The following COL6A3 variants were observed in gnomAD, a reference collection of about 807,000 sequenced individuals.
The protein encoded by COL6A3 is collagen type VI alpha 3 chain, also known as collagen alpha-3(VI) chain.
COL6A3 carries 137 observed loss-of-function variants against 274.1 expected under a neutral mutation model. The ratio of observed to expected loss-of-function variants is 0.50; its 90% confidence interval spans 0.44 to 0.58. The LOEUF (loss-of-function observed/expected upper bound fraction) is 0.58, where lower values mean the gene tolerates loss of function less well. Ranked by LOEUF, COL6A3 falls within the 20% of genes least tolerant of loss-of-function variation. COL6A3 has a pLI of 0.00. For missense variants in COL6A3, 3,950 were observed against 4,124.9 expected, an observed-to-expected ratio of 0.96 and a Z score of 1.16; for synonymous variants, 1,650 against 1,650.6, an observed-to-expected ratio of 1.00 and a Z score of 0.01.
chr2:237,355,749 T>C (rs1169329024), intron 23 of COL6A3: 1 of 152,224 alleles, frequency 6.6e-6, no homozygotes, highest in African/African-American at 2.4e-5. Context: ...AGCCCAGTGA[T>C]CTGCGGTGAC....
At position 237,368,974 on chromosome 2, in the gene COL6A3, C is replaced by G; in HGVS notation, c.4489G>C (p.Ala1497Pro). 6.2e-7 allele frequency: 1 copy of G among 1,614,198 alleles called. No individual in the cohort carries two copies. Among genetic ancestry groups the G allele is most frequent in the South Asian group, 1.1e-5 (1 of 91,074 alleles). The part of the protein sequence containing the change: ...EFYLKTYRSQ[A>P]PVLDAIRRLR... The stretch of plus-strand genomic sequence containing the variant: ...CGCCGTATGGCGTCCAGCACCGGGG[C>G]CTGGGATCTGTAGGTTTTCAGATAG... Residue 1497 changes from alanine to proline, a missense_variant, in exon 10 of 44, where the codon GCC becomes CCC. This residue lies in a region of COL6A3 where 1,934 missense variants were observed against 1,984.3 expected (regional missense o/e 0.97). Coordinates refer to ENST00000295550, the MANE Select transcript of COL6A3 (RefSeq NM_004369.4). The surrounding 1 kb of genome is among the most constrained non-coding windows in gnomAD (Gnocchi z 4.4).
chr2:237,363,282 C>T lies in COL6A3; in HGVS notation c.6034G>A (p.Asp2012Asn). ...YDRPLRLNLLDLDYELAEQLD... is the reference protein window; with the variant it reads ...YDRPLRLNLLNLDYELAEQLD... ...TGCTCCGCTAGTTCATAATCCAAGT[C>T]CAGCAAGTTAAGCCTCAGGGGCCTG... The change falls in exon 14 of 44, where the codon GAC becomes AAC. Residue 2012 changes from aspartate (D) to asparagine (N), a missense_variant. By Grantham distance (23) the Asp-to-Asn change is conservative (BLOSUM62 1). Coordinates refer to ENST00000295550, the MANE Select transcript of COL6A3 (RefSeq NM_004369.4). 2 of 1,614,092 alleles carry T rather than the reference C, an allele frequency of 1.2e-6. No homozygotes were observed. Among genetic ancestry groups the T allele is most frequent in the Non-Finnish European group, 1.7e-6 (2 of 1,180,040 alleles).
chr2:237,387,997 G>A lies in COL6A3; in HGVS notation c.897C>T (p.Tyr299=). ...CACCCAGAACCTGGGCCTTGGTGGAGTAGGTGTCCAAGGAGAACATGGTTC... is the reference window on the plus strand; with the variant it reads ...CACCCAGAACCTGGGCCTTGGTGGAATAGGTGTCCAAGGAGAACATGGTTC... The part of the protein sequence containing the change: ...EPRTMFSLDT[Y]STKAQVLGAV... Residue 299 remains tyrosine (Y), a synonymous_variant, in exon 4 of 44, where the codon TAC becomes TAT. Coordinates refer to ENST00000295550, the MANE Select transcript of COL6A3 (RefSeq NM_004369.4). The A allele has an allele frequency of 6.2e-7, 1 of 1,614,236 alleles. No individual in the cohort carries two copies. Among genetic ancestry groups the A allele is most frequent in the Non-Finnish European group, 8.5e-7 (1 of 1,180,038 alleles).
At chr2:237,355,878 GC>G (rs1337215562) in intron 23 of COL6A3, 1 of 152,212 alleles carries the variant, frequency 6.6e-6, no homozygotes, top group Non-Finnish European at 1.5e-5. Flanking sequence ...ATCTGGCCTG[GC>G]CCCTCCCAAA....
At chr2:237,338,578 C>G (rs879557414) in intron 39 of COL6A3, among the ~76,000 whole-genome samples, 2 of 152,038 alleles carry the variant, frequency 1.3e-5, no homozygotes, top group African/African-American at 2.4e-5. Context: ...GGCTGGACAA[C>G]ATGGCGAAAC....
In COL6A3 at chr2:237,364,205, G is replaced by T; in HGVS notation, c.5917+145C>A. On this transcript the variant is annotated intron_variant, in intron 13 of 43. Transcript: ENST00000295550. This position sits in a 1 kb window ranked among gnomAD's most constrained non-coding sequence, Gnocchi z 4.6. ...CCACAGCTCCAAGCAGGTGATGAAG[G>T]GCCACAACGCTGGGAGGAAGAGTCT... 1.4e-6 allele frequency: 1 copy of T among 710,184 alleles called. No individual in the cohort carries two copies. Among genetic ancestry groups the T allele is most frequent in the South Asian group, 1.5e-5 (1 of 65,644 alleles). 44.0% of individuals were successfully genotyped at this position (710,184 alleles called of 1,614,324 possible).
rs1181475423 is a variant in COL6A3 at position 237,371,627 on chromosome 2, C to T, written c.4285+105G>A. Reference sequence around the variant, plus strand: ...TAAAAACCATAAAGGTAAGGGCATACAACCTTTATTTTAATTTAATTTATT... The same window carrying T: ...TAAAAACCATAAAGGTAAGGGCATATAACCTTTATTTTAATTTAATTTATT... On this transcript the variant is annotated intron_variant, in intron 9 of 43. Transcript: ENST00000295550. The surrounding 1 kb of genome is among the most constrained non-coding windows in gnomAD (Gnocchi z 4.3). 4.0e-6 allele frequency: 6 copies of T among 1,509,296 alleles called. No individual in the cohort carries two copies. Among genetic ancestry groups the T allele is most frequent in the Non-Finnish European group, 5.3e-6 (6 of 1,135,164 alleles). The allele number at this position is 1,509,296 out of a possible 1,614,324, so 93.5% of individuals were successfully genotyped here. A position where few individuals can be genotyped will look rare whatever the true frequency, so the allele number is the denominator to read the frequency against.
chr2:237,341,977 C>T lies in COL6A3; in HGVS notation c.7765+88G>A. Reference sequence around the variant, plus strand: ...ATCAATTGAACTCAAGCTCTTTTTACAGATCATCATTATTCTCTCACTCTC... The same window carrying T: ...ATCAATTGAACTCAAGCTCTTTTTATAGATCATCATTATTCTCTCACTCTC... On this transcript the variant is annotated intron_variant, in intron 37 of 43. Coordinates refer to ENST00000295550, the MANE Select transcript of COL6A3 (RefSeq NM_004369.4). 3.6e-6 allele frequency: 4 copies of T among 1,120,670 alleles called. No homozygotes were observed. The South Asian group carries it at 3.9e-5, about 11-fold the overall frequency. The allele number at this position is 1,120,670 out of a possible 1,614,324, so 69.4% of individuals were successfully genotyped here.
At chr2:237,402,628 A>C (rs1382232442) in intron 1 of COL6A3, among the ~76,000 whole-genome samples, 2 of 152,200 alleles carry the variant, frequency 1.3e-5, no homozygotes, top group Non-Finnish European at 2.9e-5. Context: ...ACTTCTAAAT[A>C]AGATTTGGAA....
chr2:237,340,209 C>T (rs539659520), intron 38 of COL6A3, among the ~76,000 whole-genome samples: 4 of 152,238 alleles, frequency 2.6e-5, no homozygotes, highest in East Asian at 3.9e-4. Context: ...GACTAGGTGG[C>T]GCTTGGTCAA....
Position 237,361,682 on chromosome 2 carries a change from T to C in COL6A3, c.6156+57A>G. On this transcript the variant is annotated intron_variant, in intron 15 of 43. Transcript: ENST00000295550. The surrounding 1 kb of genome is among the most constrained non-coding windows in gnomAD (Gnocchi z 5.1). ...TGTTAGAGAAATTACCCCACCAAAG[T>C]AATGTCGGGCTTCTGACACCTCATC... The C allele has an allele frequency of 7.0e-7, 1 of 1,430,536 alleles. No homozygotes were observed. Among genetic ancestry groups the C allele is most frequent in the Admixed American group, 1.7e-5 (1 of 59,764 alleles). The allele number at this position is 1,430,536 out of a possible 1,614,324, so 88.6% of individuals were successfully genotyped here.
chr2:237,406,307 A>G (rs1226249441), intron 1 of COL6A3, among the ~76,000 whole-genome samples: 1 of 152,156 alleles, frequency 6.6e-6, no homozygotes, highest in East Asian at 1.9e-4. Context: ...ACACACACGC[A>G]TGCACACAAG....
chr2:237,342,258 T>C (rs755632634), intron 36 of COL6A3, 97 bp from the exon 37 acceptor site: 5 of 930,756 alleles, frequency 5.4e-6, no homozygotes, highest in Non-Finnish European at 8.6e-6. Context: ...ATCAATAAAA[T>C]AGATTAACTT....
intron 12 of COL6A3, 135 bp downstream of exon 12, chr2:237,365,563 T>C (rs1246263072): frequency 7.4e-6 from 6 of 810,124 alleles, no homozygotes; most frequent in Non-Finnish European, 1.3e-5. Context: ...AGTTAATAAC[T>C]AAGGGATTTT....
Position 237,344,349 on chromosome 2 carries a change from C to A in COL6A3, c.7668+1G>T. ...GCCAACAGCACGCACAGAGCACAGA[C>A]CTGCAAAGCGTTGATGAGCTGCCGG... is the stretch of plus-strand genomic sequence containing the variant. On this transcript the variant is annotated splice_donor_variant, in intron 36 of 43. Transcript: ENST00000295550. LOFTEE classifies it high-confidence loss of function. This position sits in a 1 kb window ranked among gnomAD's most constrained non-coding sequence, Gnocchi z 4.8. 1 of 1,614,154 alleles carries A rather than the reference C, an allele frequency of 6.2e-7. No homozygotes were observed. Among genetic ancestry groups the A allele is most frequent in the Non-Finnish European group, 8.5e-7 (1 of 1,180,018 alleles).
At position 237,371,466 on chromosome 2, in the gene COL6A3, T is replaced by C. The variant is rs1202104449; in HGVS notation, c.4285+266A>G. Among the ~76,000 whole-genome samples, 2 of 151,940 alleles carry C rather than the reference T, an allele frequency of 1.3e-5. No individual in the cohort carries two copies. Among genetic ancestry groups the C allele is most frequent in the African/African-American group, 4.8e-5 (2 of 41,356 alleles). On this transcript the variant is annotated intron_variant, in intron 9 of 43. Coordinates refer to ENST00000295550, the MANE Select transcript of COL6A3 (RefSeq NM_004369.4). The surrounding 1 kb of genome is among the most constrained non-coding windows in gnomAD (Gnocchi z 4.3). ...ACAAAAAATTAGCCGGGCGTGGTGG[T>C]ATGAACCTGTAGTCCTAGCTACTGA...
rs967176091 is a variant in COL6A3, at chr2:237,324,153, C to T, written c.*621G>A. 6.6e-6 allele frequency: 1 copy of T among 151,170 alleles called. No individual in the cohort carries two copies. The highest frequency in any genetic ancestry group is 1.5e-5 in the Non-Finnish European group (1 of 67,940). 9.4% of individuals were successfully genotyped at this position (151,170 alleles called of 1,614,324 possible). A position where few individuals can be genotyped will look rare whatever the true frequency, so the allele number is the denominator to read the frequency against. On this transcript the variant is annotated 3_prime_UTR_variant, in exon 44 of 44. Transcript: ENST00000295550. ...ATTAGAGGAATGCCAAAAATATTCT[C>T]TATTACAACTTTTTTAAATTCTTTA...
chr2:237,328,307 C>T (rs1172255130), intron 42 of COL6A3: 1 of 152,130 alleles, frequency 6.6e-6, no homozygotes, highest in African/African-American at 2.4e-5. Context: ...AGGTTAAAAC[C>T]CTGTTCTGGG....
At chr2:237,393,018 C>T (rs552552708) in intron 3 of COL6A3, among the ~76,000 whole-genome samples, 1 of 152,334 alleles carries the variant, frequency 6.6e-6, no homozygotes, top group African/African-American at 2.4e-5. Context: ...CATCCTCTGG[C>T]TCTTCAGAGG....
Sources: gnomAD v4.1 joint callset for allele counts (sites outside exome capture counted in the v4.1 genomes callset) on GRCh38, gnomAD v4.1.1 for gene constraint, gnomAD v4.1.1 regional missense constraint, Gnocchi (gnomAD v3.1) non-coding constraint, MANE v1.5 for transcripts, NCBI Gene and HGNC (gene_info 2026-07-23, HGNC 2026-07-21) for gene names.